Variants in BACE2 observed in about 807,000 individuals in gnomAD.
The protein encoded by BACE2 is 56 kDa aspartic-like protease.
BACE2 carries 17 observed loss-of-function variants against 46.2 expected under a neutral mutation model. That is an observed-to-expected ratio of 0.37 (90% CI 0.25 to 0.55). The LOEUF (loss-of-function observed/expected upper bound fraction) is 0.55, where lower values mean the gene tolerates loss of function less well. Ranked by LOEUF, BACE2 falls within the 20% of genes least tolerant of loss-of-function variation. The probability of loss-of-function intolerance (pLI) is 0.82; values close to 1 mark genes in which losing one functional copy is unlikely to be tolerated. For synonymous variants in BACE2, 277 were observed against 295.9 expected, an observed-to-expected ratio of 0.94 and a Z score of 0.66; for missense variants, 595 against 698.1, an observed-to-expected ratio of 0.85 and a Z score of 1.66.
chr21:41,205,409 A>G (rs1986093873), intron 1 of BACE2, among the ~76,000 whole-genome samples: 1 of 152,216 alleles, frequency 6.6e-6, no homozygotes, highest in Admixed American at 6.5e-5. Context: ...TACTCCTTGC[A>G]ATTATTCTAG....
At chr21:41,264,809 T>G (rs1481671203) in intron 8 of BACE2, among the ~76,000 whole-genome samples, 2 of 152,056 alleles carry the variant, frequency 1.3e-5, no homozygotes, top group Non-Finnish European at 2.9e-5. Context: ...AACAAAGTAA[T>G]ACCCTGTCCA....
At chr21:41,215,489 C>A (rs1223172276) in intron 1 of BACE2, among the ~76,000 whole-genome samples, 1 of 152,234 alleles carries the variant, frequency 6.6e-6, no homozygotes, top group Non-Finnish European at 1.5e-5. Flanking sequence ...ATCTGCCCTG[C>A]AAAGGCCCTC....
chr21:41,174,813 C>T (rs1265916479), intron 1 of BACE2, among the ~76,000 whole-genome samples: 1 of 152,134 alleles, frequency 6.6e-6, no homozygotes, highest in South Asian at 2.1e-4. Flanking sequence ...TCATGGATCC[C>T]TCCTCTGGGT....
intron 1 of BACE2, chr21:41,182,093 C>G (rs1018250250): frequency 1.8e-5 from 3 of 167,084 alleles, no homozygotes; most frequent in African/African-American, 7.2e-5. Flanking sequence ...GGAAGTACTA[C>G]AGTCAGGAAG....
intron 3 of BACE2, among the ~76,000 whole-genome samples, chr21:41,241,547 T>C (rs1987286437): frequency 6.6e-6 from 1 of 152,106 alleles, no homozygotes; most frequent in Non-Finnish European, 1.5e-5. Context: ...AAGGCAGTCA[T>C]GATGATAGAT....
chr21:41,176,327 C>G (rs892895884), intron 1 of BACE2: 1 of 152,184 alleles, frequency 6.6e-6, no homozygotes. Flanking sequence ...GCTTCTTTCC[C>G]CAAACCAGCT....
chr21:41,193,476 G>A lies in BACE2; in HGVS notation c.312+24901G>A, dbSNP rs928713551. 1.3e-5 allele frequency among the ~76,000 whole-genome samples: 2 copies of A among 152,250 alleles called. No homozygotes were observed. Among genetic ancestry groups the A allele is most frequent in the Admixed American group, 1.3e-4 (2 of 15,280 alleles). Reference sequence around the variant, plus strand: ...GATGGGAGAGTTGAATGGGGATGTGGTGGGAATCACCACCCCTGCATCCTT... The same window carrying A: ...GATGGGAGAGTTGAATGGGGATGTGATGGGAATCACCACCCCTGCATCCTT... On this transcript the variant is annotated intron_variant, in intron 1 of 8. Transcript: ENST00000330333. This position sits in a 1 kb window ranked among gnomAD's most constrained non-coding sequence, Gnocchi z 4.2.
intron 1 of BACE2, among the ~76,000 whole-genome samples, chr21:41,216,691 CT>C (rs887766696): frequency 9.8e-5 from 15 of 152,326 alleles, no homozygotes; most frequent in African/African-American, 3.4e-4. Flanking sequence ...GAGAGTCCCC[CT>C]GTCACTGGGG....
chr21:41,217,908 A>G (rs567970087), intron 1 of BACE2, among the ~76,000 whole-genome samples: 1 of 152,282 alleles, frequency 6.6e-6, no homozygotes, highest in South Asian at 2.1e-4. Context: ...CCTACCAGAA[A>G]CTGGGAGAGA....
chr21:41,236,152 C>G (rs927842729), intron 2 of BACE2, among the ~76,000 whole-genome samples: 9 of 152,212 alleles, frequency 5.9e-5, no homozygotes, highest in African/African-American at 4.8e-5. Context: ...TAGGTTCCTT[C>G]CTATATTCCA....
intron 8 of BACE2, among the ~76,000 whole-genome samples, chr21:41,264,395 C>A (rs1303031885): frequency 6.6e-6 from 1 of 151,958 alleles, no homozygotes; most frequent in Non-Finnish European, 1.5e-5. Flanking sequence ...CCAGCCTGGG[C>A]AACTGTGTTA....
chr21:41,242,506 C>A (rs1012148147), intron 4 of BACE2, among the ~76,000 whole-genome samples: 1 of 152,170 alleles, frequency 6.6e-6, no homozygotes, highest in African/African-American at 2.4e-5. Context: ...AGGAAGAATG[C>A]ACTAGAAGGG....
intron 1 of BACE2, among the ~76,000 whole-genome samples, chr21:41,216,017 G>T (rs1986455837): frequency 6.6e-6 from 1 of 152,172 alleles, no homozygotes; most frequent in East Asian, 1.9e-4. Flanking sequence ...GTGGCATGAG[G>T]TGAGGAACCT....
chr21:41,277,533 T>C lies in BACE2; in HGVS notation c.*1909T>C, dbSNP rs1465840004. On this transcript the variant is annotated 3_prime_UTR_variant, in exon 9 of 9. Transcript: ENST00000330333. ...CATTGGCTTTTTCCGTGGTTGCTGT[T>C]TTGTGGGCCGCTTTGCACAGGAGTG... 6.6e-6 allele frequency: 1 copy of C among 152,198 alleles called. No individual in the cohort carries two copies. Among genetic ancestry groups the C allele is most frequent in the African/African-American group, 2.4e-5 (1 of 41,436 alleles). The allele number at this position is 152,198 out of a possible 1,614,324, so 9.4% of individuals were successfully genotyped here.
chr21:41,245,573 G>A (rs1055540683), intron 5 of BACE2, among the ~76,000 whole-genome samples: 5 of 152,232 alleles, frequency 3.3e-5, no homozygotes, highest in Admixed American at 2.0e-4. Context: ...TGTACAGTTT[G>A]TACAAATGGC....
chr21:41,185,510 G>A lies in BACE2; in HGVS notation c.312+16935G>A, dbSNP rs1269638483. 1.1e-4 allele frequency among the ~76,000 whole-genome samples: 16 copies of A among 152,340 alleles called. No homozygotes were observed. In the East Asian group the frequency reaches 2.7e-3, roughly 26 times the overall value. ...GACCAAGAGCAGCTTAGGCAAGGGA[G>A]TTATAAGACAGTACACAGGAAGGAG... On this transcript the variant is annotated intron_variant, in intron 1 of 8. Transcript: ENST00000330333.
intron 1 of BACE2, chr21:41,176,872 C>T (rs1601239598): frequency 6.6e-6 from 1 of 152,354 alleles, no homozygotes; most frequent in African/African-American, 2.4e-5. Flanking sequence ...ATACAAGTGT[C>T]ATTCTTTTTA....
Position 41,168,518 on chromosome 21 carries a change from G to A in BACE2, c.255G>A (p.Gln85=), listed in dbSNP as rs1424297165. 10 of 1,356,300 alleles carry A rather than the reference G, an allele frequency of 7.4e-6. No homozygotes were observed. Among genetic ancestry groups the A allele is most frequent in the Non-Finnish European group, 7.6e-6 (8 of 1,047,070 alleles). 84.0% of individuals were successfully genotyped at this position (1,356,300 alleles called of 1,614,324 possible). Reference sequence around the variant, plus strand: ...TCTTGGCCATGGTAGACAACCTGCAGGGGGACTCTGGCCGCGGCTACTACC... The same window carrying A: ...TCTTGGCCATGGTAGACAACCTGCAAGGGGACTCTGGCCGCGGCTACTACC... The part of the protein sequence containing the change: ...ANFLAMVDNL[Q]GDSGRGYYLE... The change falls in exon 1 of 9, where the codon CAG becomes CAA. Residue 85 remains glutamine, a synonymous_variant. Transcript: ENST00000330333.
intron 2 of BACE2, among the ~76,000 whole-genome samples, chr21:41,230,805 C>T (rs984430226): frequency 6.6e-6 from 1 of 151,948 alleles, no homozygotes; most frequent in African/African-American, 2.4e-5. Context: ...GGTGAATGTT[C>T]CAATGAGTTA....
Sources: gnomAD v4.1 joint callset for allele counts (sites outside exome capture counted in the v4.1 genomes callset) on GRCh38, gnomAD v4.1.1 for gene constraint, Gnocchi (gnomAD v3.1) non-coding constraint, MANE v1.5 for transcripts, NCBI Gene and HGNC (gene_info 2026-07-23, HGNC 2026-07-21) for gene names.